Variants in PLA2G5 observed in about 807,000 individuals in gnomAD.
PLA2G5 encodes the protein phospholipase A2 group V.
Under a neutral mutation model 15.9 loss-of-function variants are expected in PLA2G5, and 12 were observed. That is an observed-to-expected ratio of 0.76 (90% CI 0.48 to 1.23). The LOEUF (loss-of-function observed/expected upper bound fraction) is 1.23. PLA2G5 is among the 50% of genes most tolerant of loss of function. The pLI is 0.00. For missense variants in PLA2G5, 169 were observed against 177.1 expected, an observed-to-expected ratio of 0.95 and a Z score of 0.26; for synonymous variants, 71 against 71.4, an observed-to-expected ratio of 0.99 and a Z score of 0.03.
At chr1:20,060,072 G>T (rs2014631616) in intron 2 of PLA2G5, among the ~76,000 whole-genome samples, 1 of 152,066 alleles carries the variant, frequency 6.6e-6, no homozygotes, top group Non-Finnish European at 1.5e-5. Context: ...GCCCAGCCCA[G>T]TGGAGCACAA....
intron 1 of PLA2G5, among the ~76,000 whole-genome samples, chr1:20,056,008 C>A (rs2014412768): frequency 6.6e-6 from 1 of 152,144 alleles, no homozygotes; most frequent in Admixed American, 6.6e-5. Context: ...TTGGCTCACT[C>A]AACATTTATT....
chr1:20,055,082 C>A (rs1486419043), intron 1 of PLA2G5, among the ~76,000 whole-genome samples: 1 of 152,158 alleles, frequency 6.6e-6, no homozygotes, highest in African/African-American at 2.4e-5. Context: ...TTATTGAGGA[C>A]CTACTCAATA....
rs1287200423 is a variant in PLA2G5 at position 20,089,876 on chromosome 1, G to T, written c.273G>T (p.Ala91=). 6.2e-7 allele frequency: 1 copy of T among 1,613,388 alleles called. No individual in the cohort carries two copies. The highest frequency in any genetic ancestry group is 2.2e-5 in the East Asian group (1 of 44,846). Residue 91 remains alanine, a synonymous_variant, in exon 4 of 5, where the codon GCG becomes GCT. Transcript: ENST00000375108. ...IRTQSYKYRF[A]WGVVTCEPGP... ...CACAGTCCTACAAATACAGATTCGC[G>T]TGGGGCGTGGTCACCTGCGGTAAGG...
At chr1:20,029,344 CT>C (rs1269777046) in intron 1 of PLA2G5, among the ~76,000 whole-genome samples, 4 of 152,160 alleles carry the variant, frequency 2.6e-5, no homozygotes, top group Non-Finnish European at 4.4e-5. Context: ...TGTTCCTCCC[CT>C]GATACGTTCC....
chr1:20,054,362 A>T (rs1243922858), intron 1 of PLA2G5, among the ~76,000 whole-genome samples: 2 of 152,216 alleles, frequency 1.3e-5, no homozygotes, highest in Non-Finnish European at 2.9e-5. Flanking sequence ...CTGTCATGGT[A>T]GCTGCATTCA....
intron 1 of PLA2G5, among the ~76,000 whole-genome samples, chr1:20,079,389 G>C (rs1239611285): frequency 6.6e-6 from 1 of 152,212 alleles, no homozygotes; most frequent in Middle Eastern, 3.2e-3. Flanking sequence ...GTGGCTAGTG[G>C]TGAGGAAGCC....
chr1:20,029,853 T>C (rs907345115), intron 1 of PLA2G5, among the ~76,000 whole-genome samples: 1 of 152,238 alleles, frequency 6.6e-6, no homozygotes, highest in Non-Finnish European at 1.5e-5. Flanking sequence ...AGTGTGTATG[T>C]TCCTGACCAA....
At chr1:20,078,943 T>TA (rs35504448) in intron 1 of PLA2G5, among the ~76,000 whole-genome samples, 1 of 151,520 alleles carries the variant, frequency 6.6e-6, no homozygotes, top group Non-Finnish European at 1.5e-5. Flanking sequence ...CCCGACTCTA[T>TA]AAAAAATGCA....
chr1:20,044,310 C>A (rs148111840), intron 1 of PLA2G5, among the ~76,000 whole-genome samples: 91 of 152,244 alleles, frequency 6.0e-4, no homozygotes, highest in African/African-American at 2.1e-3. Context: ...GCATTACTGT[C>A]TAGCTGCCTC....
chr1:20,043,659 A>T (rs182535122), intron 1 of PLA2G5, among the ~76,000 whole-genome samples: 107 of 152,316 alleles, frequency 7.0e-4, no homozygotes, highest in Non-Finnish European at 1.0e-3. Context: ...TCTCAGCCTA[A>T]TAAGGGAACA....
chr1:20,039,124 A>G lies in PLA2G5; in HGVS notation n.276+10415A>G, dbSNP rs371689079. Among the ~76,000 whole-genome samples the G allele has an allele frequency of 2.6e-5, 4 of 152,194 alleles. No individual in the cohort carries two copies. The East Asian group carries it at 7.7e-4, about 29-fold the overall frequency. Reference sequence around the variant, plus strand: ...CACTGTCTGTGGATGTAGGTTGTCCATCGAGCAAGAATCTGTGACTGAGGC... The same window carrying G: ...CACTGTCTGTGGATGTAGGTTGTCCGTCGAGCAAGAATCTGTGACTGAGGC... On this transcript the variant is annotated intron_variant and non_coding_transcript_variant, in intron 1 of 6. Coordinates refer to the PLA2G5 transcript ENST00000460175.
intron 1 of PLA2G5, among the ~76,000 whole-genome samples, chr1:20,079,390 T>C (rs1283661014): frequency 6.6e-6 from 1 of 152,160 alleles, no homozygotes; most frequent in Non-Finnish European, 1.5e-5. Flanking sequence ...TGGCTAGTGG[T>C]GAGGAAGCCA....
chr1:20,075,294 C>T (rs143471791), intron 1 of PLA2G5, among the ~76,000 whole-genome samples: 1 of 152,302 alleles, frequency 6.6e-6, no homozygotes, highest in East Asian at 1.9e-4. Context: ...TTGTGACCTA[C>T]CCAGCTCCAT....
At chr1:20,064,216 T>A (rs1001913419) in intron 2 of PLA2G5, among the ~76,000 whole-genome samples, 14 of 152,124 alleles carry the variant, frequency 9.2e-5, no homozygotes, top group Admixed American at 2.0e-4. Context: ...CAAGATTTTT[T>A]AAAAAAATAT....
chr1:20,089,400 C>G (rs2016452847), intron 3 of PLA2G5, among the ~76,000 whole-genome samples: 1 of 152,188 alleles, frequency 6.6e-6, no homozygotes, highest in Non-Finnish European at 1.5e-5. Flanking sequence ...GAATTCTTTG[C>G]TGGGTCATCT....
chr1:20,073,657 C>A lies in PLA2G5; in HGVS notation c.-11+3192C>A, dbSNP rs12035430. Among the ~76,000 whole-genome samples, 2,930 of 152,196 alleles carry A rather than the reference C, an allele frequency of 0.019. 194 individuals carry two copies. In the East Asian group the frequency reaches 0.22, roughly 11 times the overall value. On this transcript the variant is annotated intron_variant, in intron 1 of 4. Transcript: ENST00000375108. ...CAGCATTTTGGGAGGCAGAGGCAGG[C>A]AGATCATTTGAGGTTGGGAGTTCGA...
At chr1:20,029,625 C>T (rs921921772) in intron 1 of PLA2G5, among the ~76,000 whole-genome samples, 3 of 152,144 alleles carry the variant, frequency 2.0e-5, no homozygotes, top group African/African-American at 7.2e-5. Flanking sequence ...TACCGGGGAC[C>T]ATGCCTTCCT....
intron 1 of PLA2G5, among the ~76,000 whole-genome samples, chr1:20,032,315 C>T (rs889855686): frequency 6.6e-5 from 10 of 150,420 alleles, no homozygotes; most frequent in Admixed American, 6.0e-4. Context: ...GAGGATAATG[C>T]GGGTAATACA....
upstream of PLA2G5, chr1:20,070,065 G>A (rs11573192): frequency 1.6e-3 from 519 of 327,642 alleles, 3 homozygotes; most frequent in African/African-American, 0.01. Flanking sequence ...AGTGGCTAAA[G>A]CCGTGACCTG....
Sources: gnomAD v4.1 joint callset for allele counts (sites outside exome capture counted in the v4.1 genomes callset) on GRCh38, gnomAD v4.1.1 for gene constraint, MANE v1.5 for transcripts, NCBI Gene and HGNC (gene_info 2026-07-23, HGNC 2026-07-21) for gene names.